Variants in ZNF207 observed in about 807,000 individuals in gnomAD.
The protein encoded by ZNF207 is BUB3-interacting and GLEBS motif-containing protein ZNF207.
ZNF207 carries 24 observed loss-of-function variants against 60.2 expected under a neutral mutation model. That is an observed-to-expected ratio of 0.40 (90% CI 0.29 to 0.56). The LOEUF is 0.56. Ranked by LOEUF, ZNF207 falls within the 20% of genes least tolerant of loss-of-function variation. ZNF207 has a pLI of 0.49. For synonymous variants in ZNF207, 236 were observed against 194.7 expected, an observed-to-expected ratio of 1.21 and a Z score of -1.77; for missense variants, 452 against 636.6, an observed-to-expected ratio of 0.71 and a Z score of 3.12.
intron 2 of ZNF207, among the ~76,000 whole-genome samples, chr17:32,354,080 A>G (rs1204590603): frequency 1.3e-5 from 2 of 151,910 alleles, no homozygotes; most frequent in African/African-American, 4.8e-5. Flanking sequence ...TACTCAAATG[A>G]TCCTTCCACC....
chr17:32,357,745 C>T (rs913905825), intron 2 of ZNF207, among the ~76,000 whole-genome samples: 4 of 152,074 alleles, frequency 2.6e-5, no homozygotes, highest in African/African-American at 7.2e-5. Flanking sequence ...AAGTGATTCT[C>T]ATGCCTCAGC....
chr17:32,366,781 A>C, intron 9 of ZNF207, 24 bp downstream of exon 9: 1 of 1,575,646 alleles, frequency 6.3e-7, no homozygotes, highest in African/African-American at 1.4e-5. Flanking sequence ...TGCAGTTTAA[A>C]ATTGTTAAAA....
At position 32,376,648 on chromosome 17, in the gene ZNF207, G is replaced by T. The variant is rs1282365880; in HGVS notation, c.*6889G>T. 2 of 152,042 alleles carry T rather than the reference G, an allele frequency of 1.3e-5. No homozygotes were observed. The highest frequency in any genetic ancestry group is 2.9e-5 in the Non-Finnish European group (2 of 67,904). 9.4% of individuals were successfully genotyped at this position (152,042 alleles called of 1,614,324 possible). ...AAACTAATTTGAACTATTCCTATTT[G>T]AAGCAAATTGAACACTATTATAAAT... is the stretch of plus-strand genomic sequence containing the variant. On this transcript the variant is annotated 3_prime_UTR_variant, in exon 12 of 12. Coordinates refer to ENST00000394670, the MANE Select transcript of ZNF207 (RefSeq NM_001098507.2).
rs1905692670 is a variant in ZNF207 at position 32,376,837 on chromosome 17, CATTA to C, written c.*7082_*7085del. The C allele has an allele frequency of 6.6e-6, 1 of 152,022 alleles. No homozygotes were observed. Among genetic ancestry groups the C allele is most frequent in the African/African-American group, 2.4e-5 (1 of 41,416 alleles). The allele number at this position is 152,022 out of a possible 1,614,324, so 9.4% of individuals were successfully genotyped here. A position where few individuals can be genotyped will look rare whatever the true frequency, so the allele number is the denominator to read the frequency against. On this transcript the variant is annotated 3_prime_UTR_variant, in exon 12 of 12. Coordinates refer to ENST00000394670, the MANE Select transcript of ZNF207 (RefSeq NM_001098507.2). ...AATGGTTGATTACTTGGAACCCACCCATTAATTCTAAATGATGTAATGGTCTATA... is the reference window on the plus strand; with the variant it reads ...AATGGTTGATTACTTGGAACCCACCCATTCTAAATGATGTAATGGTCTATA...
rs772932970 is a variant in ZNF207, at chr17:32,372,149, A to G, written c.*2390A>G. 1.3e-5 allele frequency: 2 copies of G among 152,162 alleles called. No individual in the cohort carries two copies. Among genetic ancestry groups the G allele is most frequent in the Non-Finnish European group, 2.9e-5 (2 of 68,134 alleles). The allele number at this position is 152,162 out of a possible 1,614,324, so 9.4% of individuals were successfully genotyped here. A position where few individuals can be genotyped will look rare whatever the true frequency, so the allele number is the denominator to read the frequency against. ...CCCCGTTTCTACTAAAAATACAAAAAATTAGCTGGGCGTAGTTGCGGATGC... is the reference window on the plus strand; with the variant it reads ...CCCCGTTTCTACTAAAAATACAAAAGATTAGCTGGGCGTAGTTGCGGATGC... On this transcript the variant is annotated 3_prime_UTR_variant, in exon 12 of 12. Transcript: ENST00000394670.
chr17:32,359,026 C>T (rs923680791), intron 3 of ZNF207, among the ~76,000 whole-genome samples: 2 of 152,076 alleles, frequency 1.3e-5, no homozygotes, highest in Non-Finnish European at 2.9e-5. Context: ...TCTCGAACTC[C>T]AGACCCTAAG....
At chr17:32,355,172 A>C (rs949208443) in intron 2 of ZNF207, among the ~76,000 whole-genome samples, 1 of 152,270 alleles carries the variant, frequency 6.6e-6, no homozygotes, top group South Asian at 2.1e-4. Context: ...AGATGGACTA[A>C]TCACTTGATC....
chr17:32,360,252 T>C (rs1400790097), intron 3 of ZNF207, among the ~76,000 whole-genome samples: 1 of 143,182 alleles, frequency 7.0e-6, no homozygotes, highest in Non-Finnish European at 1.5e-5. Context: ...TGGGAGACTG[T>C]GGCGGGAGGA....
intron 3 of ZNF207, among the ~76,000 whole-genome samples, chr17:32,359,947 T>A (rs1904759687): frequency 6.6e-6 from 1 of 152,122 alleles, no homozygotes; most frequent in East Asian, 1.9e-4. Flanking sequence ...GATGATAGAT[T>A]TATTTGGAAT....
rs543410662 is a variant in ZNF207 at position 32,358,027 on chromosome 17, C to T, written c.169-476C>T. Among the ~76,000 whole-genome samples the T allele has an allele frequency of 7.9e-5, 12 of 152,220 alleles. No individual in the cohort carries two copies. In the South Asian group the frequency reaches 8.3e-4, roughly 11 times the overall value. Reference sequence around the variant, plus strand: ...AACTCCTGACCTCAGGTGATCCACCCGTCTTGGCCTCCCAAGTGCTGGGAT... The same window carrying T: ...AACTCCTGACCTCAGGTGATCCACCTGTCTTGGCCTCCCAAGTGCTGGGAT... On this transcript the variant is annotated intron_variant, in intron 2 of 11. Coordinates refer to ENST00000394670, the MANE Select transcript of ZNF207 (RefSeq NM_001098507.2).
intron 9 of ZNF207, among the ~76,000 whole-genome samples, chr17:32,367,243 A>G (rs1303645333): frequency 2.0e-5 from 1 of 51,022 alleles, no homozygotes; most frequent in Admixed American, 1.7e-4. Flanking sequence ...AGGGGATTAT[A>G]TATATATATA....
chr17:32,363,557 T>TTTTTTTTTTTG (rs3064672), intron 7 of ZNF207, among the ~76,000 whole-genome samples: 2 of 120,992 alleles, frequency 1.7e-5, no homozygotes, highest in Admixed American at 8.3e-5. Context: ...TTTTTTTTTT[T>TTTTTTTTTTTG]GAGATGGAAT....
intron 2 of ZNF207, among the ~76,000 whole-genome samples, chr17:32,353,703 C>T (rs902297088): frequency 4.1e-5 from 6 of 146,144 alleles, no homozygotes; most frequent in African/African-American, 1.3e-4. Flanking sequence ...GCGGGGGGCG[C>T]GAGGCGGGTG....
chr17:32,380,432 A>G lies in ZNF207; in HGVS notation c.*10673A>G, dbSNP rs916026510. ...CTTTAAATACTAATTTTATATTTCAAGCTTTTTGCAGGGTAGAAATAAGTG... is the reference window on the plus strand; with the variant it reads ...CTTTAAATACTAATTTTATATTTCAGGCTTTTTGCAGGGTAGAAATAAGTG... On this transcript the variant is annotated 3_prime_UTR_variant, in exon 12 of 12. Coordinates refer to ENST00000394670, the MANE Select transcript of ZNF207 (RefSeq NM_001098507.2). 4 of 152,312 alleles carry G rather than the reference A, an allele frequency of 2.6e-5. No individual in the cohort carries two copies. The highest frequency in any genetic ancestry group is 4.4e-5 in the Non-Finnish European group (3 of 68,020). 9.4% of individuals were successfully genotyped at this position (152,312 alleles called of 1,614,324 possible). A position where few individuals can be genotyped will look rare whatever the true frequency, so the allele number is the denominator to read the frequency against.
intron 7 of ZNF207, among the ~76,000 whole-genome samples, chr17:32,364,030 CTT>C (rs1307671799): frequency 1.9e-5 from 1 of 52,804 alleles, no homozygotes; most frequent in African/African-American, 1.6e-4. Flanking sequence ...TCTCCATTTT[CTT>C]TTCTTCTTTT....
intron 2 of ZNF207, among the ~76,000 whole-genome samples, chr17:32,355,974 A>G (rs868134311): frequency 2.0e-5 from 3 of 152,216 alleles, no homozygotes; most frequent in South Asian, 2.1e-4. Context: ...GTTGCACTTT[A>G]TGAAGAGCAG....
At chr17:32,354,914 T>A (rs951001909) in intron 2 of ZNF207, among the ~76,000 whole-genome samples, 3 of 152,158 alleles carry the variant, frequency 2.0e-5, no homozygotes, top group African/African-American at 7.2e-5. Flanking sequence ...GCGCCCAGCC[T>A]GTAAGACTTT....
intron 3 of ZNF207, among the ~76,000 whole-genome samples, chr17:32,359,346 C>G (rs1177651058): frequency 6.6e-6 from 1 of 151,746 alleles, no homozygotes; most frequent in African/African-American, 2.4e-5. Flanking sequence ...CTCCTGACCT[C>G]GTGATCTGCC....
intron 3 of ZNF207, 145 bp downstream of exon 3, chr17:32,358,786 T>A: frequency 1.6e-6 from 1 of 615,098 alleles, no homozygotes; most frequent in Non-Finnish European, 2.4e-6. Context: ...GGGGTTTAAG[T>A]GATTGTTTGT....
Sources: allele counts gnomAD v4.1 joint callset (sites outside exome capture counted in the v4.1 genomes callset), GRCh38; gene constraint gnomAD v4.1.1; transcripts MANE v1.5; gene names NCBI Gene and HGNC (gene_info 2026-07-23, HGNC 2026-07-21).